Variants in MAGI1 observed in about 807,000 individuals in gnomAD.
MAGI1 encodes the protein membrane associated guanylate kinase, WW and PDZ domain containing 1, also known as membrane-associated guanylate kinase, WW and PDZ domain-containing protein 1.
Under a neutral mutation model 139.9 loss-of-function variants are expected in MAGI1, and 58 were observed. The ratio of observed to expected loss-of-function variants is 0.41; its 90% confidence interval spans 0.34 to 0.52. The LOEUF is 0.52. Among genes scored for constraint, MAGI1 ranks in the 20% least tolerant of loss-of-function variants. The probability of loss-of-function intolerance (pLI) is 0.12; values close to 1 mark genes in which losing one functional copy is unlikely to be tolerated. For missense variants in MAGI1, 1,874 were observed against 1,901.6 expected (o/e 0.99, Z 0.27); for synonymous variants, 812 against 737.9 (o/e 1.10, Z -1.63).
chr3:65,939,238 C>G (rs1298326046), intron 1 of MAGI1, among the ~76,000 whole-genome samples: 1 of 152,076 alleles, frequency 6.6e-6, no homozygotes, highest in Non-Finnish European at 1.5e-5. Flanking sequence ...AAAAAAATGC[C>G]TTTTGTATCT....
intron 1 of MAGI1, among the ~76,000 whole-genome samples, chr3:65,794,458 C>T (rs1418530584): frequency 6.6e-6 from 1 of 152,154 alleles, no homozygotes; most frequent in African/African-American, 2.4e-5. Context: ...TCCCCAGCCC[C>T]CACCCATAAC....
chr3:65,721,259 C>T (rs2032986441), intron 1 of MAGI1, among the ~76,000 whole-genome samples: 1 of 152,232 alleles, frequency 6.6e-6, no homozygotes, highest in African/African-American at 2.4e-5. Flanking sequence ...CCCTCCCTTT[C>T]CATCTTCCTT....
chr3:65,725,438 G>T (rs1254818055), intron 1 of MAGI1, among the ~76,000 whole-genome samples: 1 of 152,136 alleles, frequency 6.6e-6, no homozygotes, highest in Non-Finnish European at 1.5e-5. Flanking sequence ...CCCCCACAGG[G>T]TATCACAGAT....
At chr3:65,883,781 C>T (rs1213943426) in intron 1 of MAGI1, among the ~76,000 whole-genome samples, 1 of 152,170 alleles carries the variant, frequency 6.6e-6, no homozygotes, top group Admixed American at 6.5e-5. Context: ...GAAACAATGG[C>T]TGCAGCAGTA....
intron 13 of MAGI1, among the ~76,000 whole-genome samples, chr3:65,396,882 G>A (rs543233005): frequency 2.0e-5 from 3 of 152,104 alleles, no homozygotes; most frequent in African/African-American, 7.2e-5. Context: ...TAAGTCAAAC[G>A]ATTTCTTCCA....
In MAGI1 at chr3:65,850,704, G is replaced by A. The variant is rs187089586; in HGVS notation, c.313+187292C>T. 1.5e-3 allele frequency among the ~76,000 whole-genome samples: 225 copies of A among 152,210 alleles called. 1 individual carries two copies. Among genetic ancestry groups the A allele is most frequent in the African/African-American group, 5.2e-3 (214 of 41,534 alleles). On this transcript the variant is annotated intron_variant, in intron 1 of 22. Transcript: ENST00000402939. ...GCAGTGCTTTAGAAGAAAAGCCACC[G>A]ACACAGAAACAACCAGGATGCAACG...
intron 2 of MAGI1, among the ~76,000 whole-genome samples, chr3:65,548,511 CTTTTTTTTTTTT>C (rs1170215972): frequency 0.047 from 4,106 of 87,378 alleles, 125 homozygotes; most frequent in African/African-American, 0.1. Flanking sequence ...AAACAACACT[CTTTTTTTTTTTT>C]TTTTTTTTTT....
chr3:65,810,838 T>C (rs2041184589), intron 1 of MAGI1, among the ~76,000 whole-genome samples: 1 of 152,238 alleles, frequency 6.6e-6, no homozygotes, highest in Admixed American at 6.5e-5. Flanking sequence ...GTTTTGTTAT[T>C]TGTGGACACA....
chr3:65,943,967 C>A (rs1484489785), intron 1 of MAGI1, among the ~76,000 whole-genome samples: 3 of 152,152 alleles, frequency 2.0e-5, no homozygotes. Flanking sequence ...TGTGACAGGG[C>A]AGCATCATAT....
At position 65,598,339 on chromosome 3, in the gene MAGI1, T is replaced by C. The variant is rs113581734; in HGVS notation, c.430+23633A>G. ...AAAGGCGGGAAATAGGGTTGCCCCA[T>C]TTGCGACATGCTGGAGGCTGAGTGC... is the stretch of plus-strand genomic sequence containing the variant. On this transcript the variant is annotated intron_variant, in intron 2 of 22. Transcript: ENST00000402939. 3.8e-3 allele frequency among the ~76,000 whole-genome samples: 572 copies of C among 152,186 alleles called. 2 individuals are homozygous for C. Among genetic ancestry groups the C allele is most frequent in the African/African-American group, 0.013 (552 of 41,528 alleles).
chr3:65,870,323 A>G (rs187098286), intron 1 of MAGI1, among the ~76,000 whole-genome samples: 1 of 152,168 alleles, frequency 6.6e-6, no homozygotes, highest in East Asian at 1.9e-4. Context: ...ATTAAGTGAA[A>G]GAGAAAGACT....
intron 12 of MAGI1, among the ~76,000 whole-genome samples, chr3:65,416,541 C>T (rs925606916): frequency 3.3e-5 from 5 of 152,160 alleles, no homozygotes; most frequent in East Asian, 1.9e-4. Flanking sequence ...GTTTCCTTCA[C>T]GGCACTCCTC....
intron 2 of MAGI1, among the ~76,000 whole-genome samples, chr3:65,592,341 A>G (rs1249670219): frequency 5.3e-5 from 8 of 152,176 alleles, no homozygotes; most frequent in Admixed American, 3.9e-4. Flanking sequence ...CTGAATACAA[A>G]GTGTGCAACT....
Position 65,963,155 on chromosome 3 carries a change from G to GA in MAGI1, c.313+74840dup, listed in dbSNP as rs111496149. Among the ~76,000 whole-genome samples, 866 of 138,452 alleles carry GA rather than the reference G, an allele frequency of 6.3e-3. 2 individuals are homozygous for GA. The highest frequency in any genetic ancestry group is 0.01 in the Non-Finnish European group (656 of 64,572). 90.8% of individuals were successfully genotyped at this position (138,452 alleles called of 152,430 possible). On this transcript the variant is annotated intron_variant, in intron 1 of 22. Coordinates refer to ENST00000402939, the MANE Select transcript of MAGI1 (RefSeq NM_001033057.2). ...AAAACAGCCTGGCCAACACAGTGGG[G>GA]AAAAAAAAAAAAAATTAGCTGGGAG...
At position 65,627,485 on chromosome 3, in the gene MAGI1, C is replaced by CTTTTTTTTTTTTTTTTTTTTTTT. The variant is rs779588733; in HGVS notation, c.314-5420_314-5398dup. ...TTGCCGTTATTTTATATTTCTGTAT[C>CTTTTTTTTTTTTTTTTTTTTTTT]TTTTTTTTTTTTTTTTTTTTTTTTT... On this transcript the variant is annotated intron_variant, in intron 1 of 22. Coordinates refer to ENST00000402939, the MANE Select transcript of MAGI1 (RefSeq NM_001033057.2). Among the ~76,000 whole-genome samples, 3 of 28,322 alleles carry CTTTTTTTTTTTTTTTTTTTTTTT rather than the reference C, an allele frequency of 1.1e-4. 1 individual carries two copies. Among genetic ancestry groups the CTTTTTTTTTTTTTTTTTTTTTTT allele is most frequent in the Non-Finnish European group, 1.4e-4 (2 of 14,350 alleles). 18.6% of individuals were successfully genotyped at this position (28,322 alleles called of 152,430 possible). A position where few individuals can be genotyped will look rare whatever the true frequency, so the allele number is the denominator to read the frequency against.
At position 65,971,415 on chromosome 3, in the gene MAGI1, G is replaced by A. The variant is rs137897871; in HGVS notation, c.313+66581C>T. ...CCATTATGATCTCTGGAGACCATCT[G>A]ATTCTAAAGAGATGCAATTTGAAAT... is the stretch of plus-strand genomic sequence containing the variant. On this transcript the variant is annotated intron_variant, in intron 1 of 22. Coordinates refer to ENST00000402939, the MANE Select transcript of MAGI1 (RefSeq NM_001033057.2). Among the ~76,000 whole-genome samples, 34 of 152,204 alleles carry A rather than the reference G, an allele frequency of 2.2e-4. No homozygotes were observed. In the East Asian group the frequency reaches 5.4e-3, roughly 24 times the overall value.
At chr3:65,657,212 T>C (rs2085928378) in intron 1 of MAGI1, among the ~76,000 whole-genome samples, 1 of 152,016 alleles carries the variant, frequency 6.6e-6, no homozygotes, top group Non-Finnish European at 1.5e-5. Flanking sequence ...GCTAAGTAAG[T>C]GTCTTACCCA....
intron 1 of MAGI1, among the ~76,000 whole-genome samples, chr3:65,753,652 C>T (rs1246089840): frequency 7.0e-6 from 1 of 143,500 alleles, no homozygotes; most frequent in Non-Finnish European, 1.5e-5. Context: ...GCTCGGGAGG[C>T]AGAGGTTCCA....
chr3:65,444,641 G>A (rs370518162), intron 7 of MAGI1, among the ~76,000 whole-genome samples: 7 of 152,208 alleles, frequency 4.6e-5, no homozygotes, highest in African/African-American at 1.4e-4. Context: ...AAAGACAAAC[G>A]CAAGTGCATC....
Sources: allele counts gnomAD v4.1 joint callset (sites outside exome capture counted in the v4.1 genomes callset), GRCh38; gene constraint gnomAD v4.1.1; transcripts MANE v1.5; gene names NCBI Gene and HGNC (gene_info 2026-07-23, HGNC 2026-07-21).